HVCN1: variants seen among roughly 807,000 people sequenced by gnomAD.
HVCN1 encodes the protein hydrogen voltage gated channel 1, also known as voltage-gated hydrogen channel 1.
In HVCN1, 14 loss-of-function variants were observed where a neutral mutation model predicts 29.2. The ratio of observed to expected loss-of-function variants is 0.48; its 90% CI spans 0.32 to 0.75. The LOEUF (loss-of-function observed/expected upper bound fraction) is 0.75. Ranked by LOEUF, HVCN1 falls within the 30% of genes least tolerant of loss-of-function variation. The pLI, the probability that HVCN1 is intolerant of heterozygous loss-of-function variation, is 0.04. For synonymous variants in HVCN1, 131 were observed against 133.2 expected (o/e 0.98, Z 0.11); for missense variants, 263 against 341.8 (o/e 0.77, Z 1.82).
chr12:110,670,850 T>C (rs539785992), intron 3 of HVCN1, among the ~76,000 whole-genome samples: 3 of 152,168 alleles, frequency 2.0e-5, no homozygotes, highest in Non-Finnish European at 2.9e-5. Flanking sequence ...GATGAAATCA[T>C]ACTGGATTTA....
At chr12:110,673,025 C>T (rs2068635977) in intron 3 of HVCN1, among the ~76,000 whole-genome samples, 1 of 152,138 alleles carries the variant, frequency 6.6e-6, no homozygotes, top group Non-Finnish European at 1.5e-5. Flanking sequence ...GTGGAACCAA[C>T]TTTGGAACTG....
rs2069053739 is a variant in HVCN1, at chr12:110,683,262, G to T, written c.-17C>A. The T allele has an allele frequency of 6.2e-7, 1 of 1,605,438 alleles. No individual in the cohort carries two copies. The highest frequency in any genetic ancestry group is 1.7e-5 in the Admixed American group (1 of 57,476). On this transcript the variant is annotated splice_region_variant and 5_prime_UTR_variant, in exon 3 of 8. Coordinates refer to ENST00000242607, the MANE Select transcript of HVCN1 (RefSeq NM_032369.4). ...GGTGGCCATGTCCCTGTTGCCTCTG[G>T]ATCTGAAAAATAAAAAGACATTTGT...
chr12:110,670,353 T>C (rs953138668), intron 3 of HVCN1, among the ~76,000 whole-genome samples: 6 of 152,188 alleles, frequency 3.9e-5, no homozygotes, highest in African/African-American at 1.4e-4. Flanking sequence ...TCCCTTCAGT[T>C]TGCATTTCCC....
At chr12:110,665,214 C>T (rs1044732213) in intron 3 of HVCN1, among the ~76,000 whole-genome samples, 4 of 151,902 alleles carry the variant, frequency 2.6e-5, no homozygotes, top group African/African-American at 9.7e-5. Flanking sequence ...TTACTAGACA[C>T]ATAAAGCTGA....
At chr12:110,695,843 A>T (rs539680830) in intron 2 of HVCN1, among the ~76,000 whole-genome samples, 2 of 152,192 alleles carry the variant, frequency 1.3e-5, no homozygotes, top group East Asian at 3.9e-4. Flanking sequence ...GGGTGAAGAG[A>T]GTCATAAGAA....
At chr12:110,660,245 A>G (rs2136291833) in intron 4 of HVCN1, among the ~76,000 whole-genome samples, 1 of 152,266 alleles carries the variant, frequency 6.6e-6, no homozygotes, top group South Asian at 2.1e-4. Context: ...GCGTGGTGGC[A>G]GGCGCCTATA....
intron 5 of HVCN1, among the ~76,000 whole-genome samples, chr12:110,653,422 G>A (rs1257225456): frequency 6.6e-6 from 1 of 152,024 alleles, no homozygotes; most frequent in Non-Finnish European, 1.5e-5. Flanking sequence ...AAGTGCTCCT[G>A]CACTCCAGCC....
intron 5 of HVCN1, among the ~76,000 whole-genome samples, chr12:110,654,022 C>T (rs1018270319): frequency 1.3e-5 from 2 of 151,940 alleles, no homozygotes; most frequent in Non-Finnish European, 2.9e-5. Context: ...TGTGTGCGTC[C>T]GTGGGGATGT....
At chr12:110,692,041 A>G (rs2069415166), upstream of HVCN1, among the ~76,000 whole-genome samples, 1 of 152,240 alleles carries the variant, frequency 6.6e-6, no homozygotes, top group African/African-American at 2.4e-5. Flanking sequence ...AGTGGACAGG[A>G]AAAGATCTCA....
intron 3 of HVCN1, among the ~76,000 whole-genome samples, chr12:110,681,154 C>A (rs1371264935): frequency 6.6e-6 from 1 of 152,158 alleles, no homozygotes. Flanking sequence ...CTGGGCCTGA[C>A]AATTGATCGG....
intron 4 of HVCN1, among the ~76,000 whole-genome samples, chr12:110,657,276 C>T (rs1308399471): frequency 6.6e-6 from 1 of 152,076 alleles, no homozygotes; most frequent in Non-Finnish European, 1.5e-5. Context: ...GGCAGATCAC[C>T]TGAGGTCAGG....
At chr12:110,675,601 CA>C (rs1254952267) in intron 3 of HVCN1, among the ~76,000 whole-genome samples, 5 of 151,636 alleles carry the variant, frequency 3.3e-5, no homozygotes, top group African/African-American at 1.2e-4. Flanking sequence ...TTTTCAGCAA[CA>C]AAAATGACAT....
At position 110,676,006 on chromosome 12, in the gene HVCN1, A is replaced by G. The variant is rs1301908543; in HGVS notation, c.21+7219T>C. ...GCAGAGGAGCAAACTGAAGACTGCA[A>G]CATGGTAACCACCACCTGTCAGTGG... On this transcript the variant is annotated intron_variant, in intron 3 of 7. Coordinates refer to ENST00000242607, the MANE Select transcript of HVCN1 (RefSeq NM_032369.4). This position sits in a 1 kb window ranked among gnomAD's most constrained non-coding sequence, Gnocchi z 4.1. Among the ~76,000 whole-genome samples the G allele has an allele frequency of 6.6e-6, 1 of 152,222 alleles. No homozygotes were observed. Among genetic ancestry groups the G allele is most frequent in the African/African-American group, 2.4e-5 (1 of 41,454 alleles).
At chr12:110,669,716 G>A (rs2068506325) in intron 3 of HVCN1, among the ~76,000 whole-genome samples, 1 of 152,072 alleles carries the variant, frequency 6.6e-6, no homozygotes, top group African/African-American at 2.4e-5. Flanking sequence ...GGCTGTGAAC[G>A]CTGGGAGGGC....
intron 3 of HVCN1, among the ~76,000 whole-genome samples, chr12:110,669,720 G>A (rs1445375414): frequency 6.6e-6 from 1 of 152,106 alleles, no homozygotes; most frequent in Non-Finnish European, 1.5e-5. Context: ...GTGAACGCTG[G>A]GAGGGCAGAG....
chr12:110,651,497 G>T, intron 5 of HVCN1, 49 bp from the exon 6 acceptor site: 1 of 1,296,884 alleles, frequency 7.7e-7, no homozygotes, highest in Non-Finnish European at 1.1e-6. Flanking sequence ...CCTCTGGGAG[G>T]TCAAGCTGCC....
intron 3 of HVCN1, among the ~76,000 whole-genome samples, chr12:110,677,284 C>T (rs2136398183): frequency 6.6e-6 from 1 of 152,214 alleles, no homozygotes; most frequent in Middle Eastern, 3.4e-3. Flanking sequence ...GTCTGCCCAT[C>T]TTCTCACCTT....
intron 4 of HVCN1, among the ~76,000 whole-genome samples, chr12:110,657,089 T>C (rs2068014744): frequency 6.6e-6 from 1 of 152,170 alleles, no homozygotes; most frequent in South Asian, 2.1e-4. Context: ...TCCCATCTAA[T>C]GAAATGTCCA....
chr12:110,679,874 AAG>A (rs1447344473), intron 3 of HVCN1, among the ~76,000 whole-genome samples: 4 of 151,626 alleles, frequency 2.6e-5, no homozygotes, highest in Non-Finnish European at 5.9e-5. Context: ...AAAAAAAAAA[AAG>A]AGGAAAACTG....
Sources: gnomAD v4.1 joint callset for allele counts (sites outside exome capture counted in the v4.1 genomes callset) on GRCh38, gnomAD v4.1.1 for gene constraint, Gnocchi (gnomAD v3.1) non-coding constraint, MANE v1.5 for transcripts, NCBI Gene and HGNC (gene_info 2026-07-23, HGNC 2026-07-21) for gene names.